Variants in NUP160 observed in about 807,000 individuals in gnomAD.
NUP160 encodes the protein nuclear pore complex protein Nup160.
A neutral mutation model predicts 196.9 loss-of-function variants in NUP160; 94 were observed. That is an observed-to-expected ratio of 0.48 (90% CI 0.40 to 0.57). The LOEUF (loss-of-function observed/expected upper bound fraction) is 0.57, where lower values mean the gene tolerates loss of function less well. Ranked by LOEUF, NUP160 falls within the 20% of genes least tolerant of loss-of-function variation. NUP160 has a pLI of 0.00. For synonymous variants in NUP160, 605 were observed against 619.7 expected (o/e 0.98, Z 0.35); for missense variants, 1,638 against 1,748.3 (o/e 0.94, Z 1.13).
At chr11:47,804,577 A>G in exon 21 of NUP160, 1 of 1,536,822 alleles carries the variant, frequency 6.5e-7, no homozygotes, top group Non-Finnish European at 8.7e-7. Context: ...GCAATTTCCC[A>G]TCAAACATTC....
At chr11:47,817,637 G>C (rs1054198822) in intron 11 of NUP160, among the ~76,000 whole-genome samples, 2 of 152,210 alleles carry the variant, frequency 1.3e-5, no homozygotes, top group Non-Finnish European at 1.5e-5. Flanking sequence ...GAGCCACCAC[G>C]CCCGGCCTAG....
At chr11:47,837,674 G>A (rs1852204082) in intron 4 of NUP160, 51 bp from the exon 5 acceptor site, 1 of 1,386,888 alleles carries the variant, frequency 7.2e-7, no homozygotes, top group African/African-American at 1.4e-5. Flanking sequence ...AAACCCAAAG[G>A]CAAGAATGAT....
chr11:47,785,027 G>A, exon 33 of NUP160: 2 of 1,597,788 alleles, frequency 1.3e-6, no homozygotes, highest in Non-Finnish European at 1.7e-6. Context: ...ACCTCTCCAG[G>A]TAAGTGGATA....
At chr11:47,818,347 G>A (rs959756429) in intron 10 of NUP160, among the ~76,000 whole-genome samples, 20 of 152,006 alleles carry the variant, frequency 1.3e-4, no homozygotes, top group African/African-American at 4.8e-4. Flanking sequence ...TGTTCCTCAC[G>A]GAGAGCTTCA....
rs753710519 is a variant in NUP160 at position 47,815,624 on chromosome 11, T to G, written c.1541A>C (p.Glu514Ala). Residue 514 changes from glutamate to alanine, a missense_variant, in exon 13 of 36, where the codon GAA (glutamate) becomes GCA (alanine). Coordinates refer to ENST00000378460, the Ensembl canonical transcript of NUP160. ...ATTTCGAAACTCCTCCTGGGAGAAT[T>G]CATACTCTGTTACACTTCCTTGAAG... The G allele has an allele frequency of 2.5e-6, 4 of 1,607,794 alleles. No individual in the cohort carries two copies. In the East Asian group the frequency reaches 8.9e-5, roughly 36 times the overall value.
chr11:47,803,418 G>A lies in NUP160; in HGVS notation c.2775+20C>T, dbSNP rs774556753. On this transcript the variant is annotated intron_variant, in intron 22 of 35. Coordinates refer to ENST00000378460, the Ensembl canonical transcript of NUP160. ...GCGTTAAAGTTTATAAAGTTTATTT[G>A]CCATTCAAATGTAGTTTACCTTCTG... The A allele has an allele frequency of 2.1e-6, 3 of 1,416,750 alleles. No homozygotes were observed. The highest frequency in any genetic ancestry group is 1.2e-5 in the South Asian group (1 of 86,774). The allele number at this position is 1,416,750 out of a possible 1,614,324, so 87.8% of individuals were successfully genotyped here.
chr11:47,804,477 T>C, intron 21 of NUP160, 72 bp downstream of exon 21: 8 of 1,009,716 alleles, frequency 7.9e-6, no homozygotes, highest in Non-Finnish European at 1.2e-5. Flanking sequence ...AGTTAACATT[T>C]ACAAAGAAAA....
rs564788378 is a variant in NUP160 at position 47,827,902 on chromosome 11, G to A, written c.1102-5738C>T. Among the ~76,000 whole-genome samples, 7 of 152,258 alleles carry A rather than the reference G, an allele frequency of 4.6e-5. No individual in the cohort carries two copies. In the East Asian group the frequency reaches 5.8e-4, roughly 13 times the overall value. On this transcript the variant is annotated intron_variant, in intron 7 of 35. Transcript: ENST00000378460. ...TAACTTTTTTATGAGACAGGGTTCC[G>A]CTCTGTTGCTCAGGTTGAAGTACAG...
Position 47,837,480 on chromosome 11 carries a change from C to A in NUP160, c.827+65G>T. ...CTTGGAATAAGACTGGAAACAATAA[C>A]TGCCGACCAGTGCAAAAAGATTAAA... On this transcript the variant is annotated intron_variant, in intron 5 of 35. Coordinates refer to ENST00000378460, the Ensembl canonical transcript of NUP160. 3 of 1,229,348 alleles carry A rather than the reference C, an allele frequency of 2.4e-6. 1 individual carries two copies. The South Asian group carries it at 3.6e-5, about 15-fold the overall frequency. 76.2% of individuals were successfully genotyped at this position (1,229,348 alleles called of 1,614,324 possible).
rs113273821 is a variant in NUP160 at position 47,798,096 on chromosome 11, T to G, written c.3087-22A>C. 2.4e-5 allele frequency: 37 copies of G among 1,554,098 alleles called. No homozygotes were observed. In the South Asian group the frequency reaches 4.2e-4, roughly 17 times the overall value. On this transcript the variant is annotated intron_variant, in intron 25 of 35. Transcript: ENST00000378460. Reference sequence around the variant, plus strand: ...TTGCCTAGAAGGAAAGAAAGGAATATGAGGGCAAACTATCTTAGTAGGTTA... The same window carrying G: ...TTGCCTAGAAGGAAAGAAAGGAATAGGAGGGCAAACTATCTTAGTAGGTTA...
chr11:47,791,996 A>G lies in NUP160; in HGVS notation c.3451-6T>C, dbSNP rs1383080142. ...GATGCTCCAGGGCGATCATACTGAT[A>G]AAACAAAACAAGCAATTTAACTGTG... is the stretch of plus-strand genomic sequence containing the variant. On this transcript the variant is annotated splice_polypyrimidine_tract_variant and splice_region_variant and intron_variant, in intron 28 of 35. Coordinates refer to ENST00000378460, the Ensembl canonical transcript of NUP160. 6.3e-7 allele frequency: 1 copy of G among 1,597,016 alleles called. No homozygotes were observed. Among genetic ancestry groups the G allele is most frequent in the Non-Finnish European group, 8.6e-7 (1 of 1,169,320 alleles).
At chr11:47,848,464 C>T (rs1420758905) in exon 1 of NUP160, 1 of 1,431,154 alleles carries the variant, frequency 7.0e-7, no homozygotes, top group Non-Finnish European at 9.3e-7. Context: ...TGCGAGGCTT[C>T]CACCGGGAGA....
chr11:47,804,296 C>T, intron 21 of NUP160: 1 of 383,394 alleles, frequency 2.6e-6, no homozygotes, highest in East Asian at 4.5e-5. Context: ...TCTTTAAAAG[C>T]CTTTAGAACC....
intron 23 of NUP160, among the ~76,000 whole-genome samples, chr11:47,799,406 C>A (rs1046261127): frequency 2.0e-5 from 3 of 151,560 alleles, no homozygotes; most frequent in African/African-American, 4.8e-5. Context: ...TTTTGATTGT[C>A]CACCCTGTCA....
chr11:47,830,216 G>A (rs1172245961), intron 7 of NUP160, among the ~76,000 whole-genome samples: 2 of 152,210 alleles, frequency 1.3e-5, no homozygotes, highest in African/African-American at 4.8e-5. Flanking sequence ...AATAACAGAT[G>A]CTGGTGAGGT....
intron 17 of NUP160, among the ~76,000 whole-genome samples, chr11:47,809,439 G>C (rs1235505800): frequency 6.6e-6 from 1 of 151,578 alleles, no homozygotes; most frequent in Admixed American, 6.6e-5. Flanking sequence ...ACTTATTCTA[G>C]AGATATAATT....
chr11:47,779,681 T>C lies in NUP160; in HGVS notation c.4222-487A>G, dbSNP rs369612006. 1.7e-3 allele frequency: 812 copies of C among 464,572 alleles called. 5 individuals are homozygous for C. The highest frequency in any genetic ancestry group is 0.013 in the South Asian group (798 of 61,790). The allele number at this position is 464,572 out of a possible 1,614,324, so 28.8% of individuals were successfully genotyped here. A position where few individuals can be genotyped will look rare whatever the true frequency, so the allele number is the denominator to read the frequency against. On this transcript the variant is annotated intron_variant, in intron 35 of 35. Coordinates refer to ENST00000378460, the Ensembl canonical transcript of NUP160. ...ATGACTCCTGAGAAATGTTGTTATA[T>C]ATGCCAACTTCCCTCAGGACAGTGA...
chr11:47,840,336 A>T (rs1217974897), intron 3 of NUP160, 42 bp downstream of exon 3: 4 of 1,508,856 alleles, frequency 2.7e-6, no homozygotes, highest in Non-Finnish European at 3.7e-6. Context: ...TGACACCCAG[A>T]GTAATTTGGG....
chr11:47,829,959 C>T (rs905268114), intron 7 of NUP160, among the ~76,000 whole-genome samples: 10 of 152,178 alleles, frequency 6.6e-5, no homozygotes, highest in Non-Finnish European at 1.5e-5. Flanking sequence ...AAAATATTTG[C>T]AAACTATGCA....
Sources: allele counts gnomAD v4.1 joint callset (sites outside exome capture counted in the v4.1 genomes callset), GRCh38; gene constraint gnomAD v4.1.1; transcripts MANE v1.5; gene names NCBI Gene and HGNC (gene_info 2026-07-23, HGNC 2026-07-21).